Variants in C3orf70 observed in about 807,000 individuals in gnomAD.
The protein encoded by C3orf70 is chromosome 3 open reading frame 70, also known as UPF0524 protein C3orf70.
C3orf70 carries 15 observed loss-of-function variants against 20.7 expected under a neutral mutation model. The observed-to-expected ratio is 0.72, with a 90% CI of 0.48 to 1.11. The LOEUF is 1.11. Ranked by LOEUF, C3orf70 falls within the 50% of genes most tolerant of loss-of-function variation. The pLI, the probability that C3orf70 is intolerant of heterozygous loss-of-function variation, is 0.00. For synonymous variants in C3orf70, 161 were observed against 125.7 expected (o/e 1.28, Z -1.88); for missense variants, 332 against 317.6 (o/e 1.05, Z -0.34).
At chr3:185,101,523 T>C (rs1201876904) in intron 1 of C3orf70, among the ~76,000 whole-genome samples, 3 of 152,184 alleles carry the variant, frequency 2.0e-5, no homozygotes, top group East Asian at 1.9e-4. Context: ...AGAGGTTTAA[T>C]TGGCTCATGG....
At chr3:185,141,455 T>C (rs1716748596) in intron 1 of C3orf70, among the ~76,000 whole-genome samples, 1 of 151,892 alleles carries the variant, frequency 6.6e-6, no homozygotes, top group Admixed American at 6.6e-5. Flanking sequence ...AGTAGAAAAC[T>C]GTATAAAAAT....
intron 1 of C3orf70, among the ~76,000 whole-genome samples, chr3:185,085,211 G>GAAATAA (rs1463707146): frequency 6.6e-6 from 1 of 152,140 alleles, no homozygotes; most frequent in Non-Finnish European, 1.5e-5. Context: ...TTCTTTGTCA[G>GAAATAA]ACTGGAAATC....
At chr3:185,119,885 G>A (rs183927685) in intron 1 of C3orf70, among the ~76,000 whole-genome samples, 161 of 151,892 alleles carry the variant, frequency 1.1e-3, no homozygotes, top group African/African-American at 3.3e-3. Flanking sequence ...TTAGCTGGGC[G>A]TGGTGGTGCA....
chr3:185,092,882 T>G (rs146579267), intron 1 of C3orf70, among the ~76,000 whole-genome samples: 3 of 152,082 alleles, frequency 2.0e-5, no homozygotes, highest in Admixed American at 6.5e-5. Flanking sequence ...TCCCAGCTAC[T>G]TGGGAAGCTG....
chr3:185,142,103 A>G (rs934973643), intron 1 of C3orf70, among the ~76,000 whole-genome samples: 8 of 152,192 alleles, frequency 5.3e-5, no homozygotes, highest in African/African-American at 1.9e-4. Flanking sequence ...CACTGGCCAA[A>G]TTTAAAGACA....
Position 185,080,377 on chromosome 3 carries a change from G to C in C3orf70, c.*2630C>G, listed in dbSNP as rs1715306718. On this transcript the variant is annotated 3_prime_UTR_variant, in exon 2 of 2. Transcript: ENST00000335012. Reference sequence around the variant, plus strand: ...CTAGACAGAAGTCTTAGATGGTACTGAGAGACGGCCCAAGCCTGCCACTGA... The same window carrying C: ...CTAGACAGAAGTCTTAGATGGTACTCAGAGACGGCCCAAGCCTGCCACTGA... The C allele has an allele frequency of 6.5e-6, 1 of 152,674 alleles. No individual in the cohort carries two copies. Among genetic ancestry groups the C allele is most frequent in the African/African-American group, 2.4e-5 (1 of 41,468 alleles). 9.5% of individuals were successfully genotyped at this position (152,674 alleles called of 1,614,324 possible). A position where few individuals can be genotyped will look rare whatever the true frequency, so the allele number is the denominator to read the frequency against.
At chr3:185,094,950 T>A (rs1234412157) in intron 1 of C3orf70, among the ~76,000 whole-genome samples, 2 of 152,088 alleles carry the variant, frequency 1.3e-5, no homozygotes, top group African/African-American at 4.8e-5. Flanking sequence ...GTATTAAGTG[T>A]CTGCACTCTG....
In C3orf70 at chr3:185,077,968, A is replaced by C. The variant is rs1245010580; in HGVS notation, c.*5039T>G. Reference sequence around the variant, plus strand: ...TACGCTATTTCCTAGCACGTAGGAAAGACCTGATATATAAATGTTTCACAC... The same window carrying C: ...TACGCTATTTCCTAGCACGTAGGAACGACCTGATATATAAATGTTTCACAC... On this transcript the variant is annotated 3_prime_UTR_variant, in exon 2 of 2. Transcript: ENST00000335012. The C allele has an allele frequency of 6.6e-6, 1 of 152,434 alleles. No individual in the cohort carries two copies. The highest frequency in any genetic ancestry group is 1.9e-4 in the East Asian group (1 of 5,198). 9.4% of individuals were successfully genotyped at this position (152,434 alleles called of 1,614,324 possible). A position where few individuals can be genotyped will look rare whatever the true frequency, so the allele number is the denominator to read the frequency against.
intron 1 of C3orf70, among the ~76,000 whole-genome samples, chr3:185,147,820 T>A (rs1021249237): frequency 6.6e-6 from 1 of 152,240 alleles, no homozygotes; most frequent in Admixed American, 6.5e-5. Context: ...CAATTAAGTA[T>A]ATTCCTGAAG....
At chr3:185,100,469 G>A (rs945319543) in intron 1 of C3orf70, among the ~76,000 whole-genome samples, 7 of 152,036 alleles carry the variant, frequency 4.6e-5, no homozygotes, top group Non-Finnish European at 1.0e-4. Flanking sequence ...TGAAATTTAG[G>A]CAGAAAAAGA....
chr3:185,090,036 CTT>C (rs1353034850), intron 1 of C3orf70, among the ~76,000 whole-genome samples: 1 of 152,174 alleles, frequency 6.6e-6, no homozygotes, highest in Non-Finnish European at 1.5e-5. Context: ...TTCTCAAACT[CTT>C]ATAACAAGAT....
intron 1 of C3orf70, among the ~76,000 whole-genome samples, chr3:185,140,786 TAAA>T (rs34759953): frequency 4.2e-5 from 4 of 94,222 alleles, no homozygotes; most frequent in Non-Finnish European, 6.6e-5. Context: ...CCGTCTCTAC[TAAA>T]AAAAAAAAAA....
intron 1 of C3orf70, among the ~76,000 whole-genome samples, chr3:185,112,913 AAAT>A (rs1353154005): frequency 6.6e-6 from 1 of 152,212 alleles, no homozygotes; most frequent in African/African-American, 2.4e-5. Context: ...AGTATACAAT[AAAT>A]AATAACCAAT....
At chr3:185,152,193 T>A (rs1481322733) in intron 1 of C3orf70, among the ~76,000 whole-genome samples, 14 of 151,850 alleles carry the variant, frequency 9.2e-5, no homozygotes, top group African/African-American at 3.1e-4. Flanking sequence ...AAGACAAAAG[T>A]GAGAAAGAAA....
At chr3:185,108,089 G>A (rs62289770) in intron 1 of C3orf70, among the ~76,000 whole-genome samples, 22,422 of 152,086 alleles carry the variant, frequency 0.15, 1,813 homozygotes, top group East Asian at 0.23. Context: ...TCTATAAATA[G>A]TCTTACTTGG....
chr3:185,137,688 A>G (rs1716655981), intron 1 of C3orf70, among the ~76,000 whole-genome samples: 1 of 152,262 alleles, frequency 6.6e-6, no homozygotes, highest in Admixed American at 6.5e-5. Flanking sequence ...CAAAAGTTAC[A>G]TGGAACTGAA....
At chr3:185,140,983 A>AG (rs1427306700) in intron 1 of C3orf70, among the ~76,000 whole-genome samples, 4 of 144,928 alleles carry the variant, frequency 2.8e-5, no homozygotes, top group African/African-American at 1.0e-4. Context: ...AAAAAAAAAG[A>AG]AAAAAAAAGA....
At position 185,152,611 on chromosome 3, in the gene C3orf70, G is replaced by A; in HGVS notation, c.196+17C>T. On this transcript the variant is annotated intron_variant, in intron 1 of 1. Coordinates refer to ENST00000335012, the MANE Select transcript of C3orf70 (RefSeq NM_001025266.3). ...CCCGGACCGCGGCGGAAGGCGGGAAGACGCGGCTCGACTTACAGTGACACC... is the reference window on the plus strand; with the variant it reads ...CCCGGACCGCGGCGGAAGGCGGGAAAACGCGGCTCGACTTACAGTGACACC... 1 of 1,535,900 alleles carries A rather than the reference G, an allele frequency of 6.5e-7. No individual in the cohort carries two copies. Among genetic ancestry groups the A allele is most frequent in the East Asian group, 2.8e-5 (1 of 36,346 alleles).
intron 1 of C3orf70, among the ~76,000 whole-genome samples, chr3:185,097,922 T>A (rs150534369): frequency 1.3e-5 from 2 of 152,344 alleles, no homozygotes; most frequent in East Asian, 3.9e-4. Flanking sequence ...TTACAGCAGA[T>A]AACTTTATGG....
Sources: allele counts gnomAD v4.1 joint callset (sites outside exome capture counted in the v4.1 genomes callset), GRCh38; gene constraint gnomAD v4.1.1; transcripts MANE v1.5; gene names NCBI Gene and HGNC (gene_info 2026-07-23, HGNC 2026-07-21).